The following DIP2C variants were observed in gnomAD, a reference collection of about 807,000 sequenced individuals.
DIP2C encodes DIP2 acetate--CoA ligase C (putative).
In DIP2C, 33 loss-of-function variants were observed where a neutral mutation model predicts 192.4. The observed-to-expected ratio is 0.17, with a 90% confidence interval of 0.13 to 0.23. DIP2C has a LOEUF of 0.23. DIP2C is among the 10% of genes least tolerant of loss of function. DIP2C has a pLI of 1.00. For synonymous variants in DIP2C, 979 were observed against 864.1 expected (o/e 1.13, Z -2.33); for missense variants, 1,537 against 2,110.1 (o/e 0.73, Z 5.32).
intron 17 of DIP2C, among the ~76,000 whole-genome samples, chr10:376,511 G>A (rs939058492): frequency 6.6e-6 from 1 of 152,082 alleles, no homozygotes; most frequent in Non-Finnish European, 1.5e-5. Context: ...GGTTGGGAGG[G>A]GGGGTCTTCC....
At position 392,177 on chromosome 10, in the gene DIP2C, C is replaced by T. The variant is rs142607257; in HGVS notation, c.1261-1314G>A. Reference sequence around the variant, plus strand: ...TCTGAACATCACATTAGCAAACGTCCCGACTCTTGAAGGGACACAGGTGAG... The same window carrying T: ...TCTGAACATCACATTAGCAAACGTCTCGACTCTTGAAGGGACACAGGTGAG... On this transcript the variant is annotated intron_variant, in intron 10 of 36. Transcript: ENST00000280886. 1.2e-3 allele frequency among the ~76,000 whole-genome samples: 177 copies of T among 152,280 alleles called. No individual in the cohort carries two copies. The East Asian group carries it at 0.013, about 11-fold the overall frequency.
intron 10 of DIP2C, among the ~76,000 whole-genome samples, chr10:394,327 T>C (rs939484757): frequency 1.3e-5 from 2 of 150,982 alleles, no homozygotes; most frequent in African/African-American, 2.4e-5. Flanking sequence ...GCCTGCTCTG[T>C]GCTGAACTGG....
intron 24 of DIP2C, among the ~76,000 whole-genome samples, chr10:352,693 T>G (rs764339103): frequency 6.6e-6 from 1 of 152,180 alleles, no homozygotes. Context: ...CACCGTTGGC[T>G]GGGAGGGACA....
chr10:452,925 C>G (rs1473582052), intron 3 of DIP2C, among the ~76,000 whole-genome samples: 1 of 152,190 alleles, frequency 6.6e-6, no homozygotes, highest in Non-Finnish European at 1.5e-5. Flanking sequence ...GGAGGCCTGG[C>G]CAGTCTGAGG....
chr10:328,070 C>T (rs537085223), intron 30 of DIP2C, among the ~76,000 whole-genome samples: 4 of 152,288 alleles, frequency 2.6e-5, no homozygotes, highest in South Asian at 2.1e-4. Flanking sequence ...AAACCCCAAC[C>T]GTCAGGCCCT....
At chr10:622,613 G>A (rs1312105150) in intron 1 of DIP2C, among the ~76,000 whole-genome samples, 1 of 152,102 alleles carries the variant, frequency 6.6e-6, no homozygotes, top group East Asian at 1.9e-4. Context: ...ACCATGCCTT[G>A]CCCTTTCGCC....
chr10:591,281 C>T (rs954944682), intron 1 of DIP2C, among the ~76,000 whole-genome samples: 3 of 152,084 alleles, frequency 2.0e-5, no homozygotes, highest in Non-Finnish European at 2.9e-5. Flanking sequence ...CCCGCCACCA[C>T]GCCTGGCTAA....
At chr10:599,435 C>T (rs1851916996) in intron 1 of DIP2C, among the ~76,000 whole-genome samples, 1 of 152,238 alleles carries the variant, frequency 6.6e-6, no homozygotes, top group South Asian at 2.1e-4. Context: ...CAAGATACAA[C>T]TGAACCCTTA....
intron 2 of DIP2C, among the ~76,000 whole-genome samples, chr10:473,617 C>T (rs1313283257): frequency 2.0e-5 from 3 of 152,158 alleles, no homozygotes; most frequent in African/African-American, 7.2e-5. Flanking sequence ...CCTACGCCGT[C>T]CCCACAGCTC....
At chr10:648,663 A>T (rs1415590805) in intron 1 of DIP2C, among the ~76,000 whole-genome samples, 1 of 147,888 alleles carries the variant, frequency 6.8e-6, no homozygotes, top group South Asian at 2.2e-4. Context: ...GGATGGTGGG[A>T]GAGAACATAG....
intron 3 of DIP2C, among the ~76,000 whole-genome samples, chr10:461,553 A>AC (rs909871018): frequency 1.7e-4 from 26 of 152,320 alleles, no homozygotes; most frequent in East Asian, 7.7e-4. Flanking sequence ...TTAGATACCT[A>AC]CCAAGAGACT....
chr10:366,282 G>C lies in DIP2C; in HGVS notation c.2261C>G (p.Thr754Ser). ...AGACTCTCCTCCACCTACCTCAAAG[G>C]TGTTCTTGGTCATGCCAGAGAGGCC... ...YYGLSGMTKN[T>S]FEVFPMTSSG... The change falls in exon 19 of 37, where the codon ACC becomes AGC. Residue 754 changes from threonine to serine, a missense_variant. Thr to Ser is a moderately conservative substitution (Grantham distance 58). Coordinates refer to ENST00000280886, the MANE Select transcript of DIP2C (RefSeq NM_014974.3). 1 of 1,613,178 alleles carries C rather than the reference G, an allele frequency of 6.2e-7. No homozygotes were observed. The highest frequency in any genetic ancestry group is 8.5e-7 in the Non-Finnish European group (1 of 1,179,642).
intron 1 of DIP2C, among the ~76,000 whole-genome samples, chr10:578,090 G>A (rs937344545): frequency 1.3e-5 from 2 of 152,082 alleles, no homozygotes; most frequent in Non-Finnish European, 2.9e-5. Flanking sequence ...GAAATGTTTT[G>A]CACAAAGTCC....
chr10:439,435 T>C (rs72772892), intron 4 of DIP2C, among the ~76,000 whole-genome samples: 2,020 of 148,108 alleles, frequency 0.014, 10 homozygotes, highest in Non-Finnish European at 0.022. Flanking sequence ...AACAACAACA[T>C]AGGAACACCC....
chr10:311,200 G>A (rs1956551480), intron 31 of DIP2C, among the ~76,000 whole-genome samples: 1 of 152,124 alleles, frequency 6.6e-6, no homozygotes, highest in African/African-American at 2.4e-5. Context: ...ACAGACCAGC[G>A]CTGAGCAGAG....
intron 3 of DIP2C, among the ~76,000 whole-genome samples, chr10:460,193 GCACAA>G (rs1218805790): frequency 2.0e-5 from 3 of 152,236 alleles, no homozygotes; most frequent in African/African-American, 7.2e-5. Flanking sequence ...GGTGGAATGG[GCACAA>G]CACAAGTCTC....
At chr10:654,197 G>C (rs1360797187) in intron 1 of DIP2C, among the ~76,000 whole-genome samples, 1 of 152,216 alleles carries the variant, frequency 6.6e-6, no homozygotes. Context: ...GATTGGTAGT[G>C]ACGCTTTCAT....
intron 31 of DIP2C, among the ~76,000 whole-genome samples, chr10:317,801 G>A (rs2132368835): frequency 6.6e-6 from 1 of 152,324 alleles, no homozygotes; most frequent in Non-Finnish European, 1.5e-5. Context: ...TCTGTTCAGT[G>A]CAGTGTCCAT....
intron 31 of DIP2C, among the ~76,000 whole-genome samples, chr10:321,540 AGC>A (rs1177253537): frequency 9.0e-6 from 1 of 111,040 alleles, no homozygotes; most frequent in African/African-American, 3.3e-5. Context: ...CGGGGGCTCC[AGC>A]GAGAGACCGG....
Sources: allele counts gnomAD v4.1 joint callset (sites outside exome capture counted in the v4.1 genomes callset), GRCh38; gene constraint gnomAD v4.1.1; transcripts MANE v1.5; gene names NCBI Gene and HGNC (gene_info 2026-07-23, HGNC 2026-07-21).